The following EMILIN2 variants were observed in gnomAD, a reference collection of about 807,000 sequenced individuals.
EMILIN2 encodes elastin microfibril interfacer 2.
A neutral mutation model predicts 87.1 loss-of-function variants in EMILIN2; 71 were observed. The ratio of observed to expected loss-of-function variants is 0.82; its 90% CI spans 0.67 to 0.99. The LOEUF (loss-of-function observed/expected upper bound fraction) is 0.99, where lower values mean the gene tolerates loss of function less well. Among genes scored for constraint, EMILIN2 ranks in the 50% least tolerant of loss-of-function variants. The pLI, the probability that EMILIN2 is intolerant of heterozygous loss-of-function variation, is 0.00. For missense variants in EMILIN2, 1,407 were observed against 1,371.8 expected (o/e 1.03, Z -0.40); for synonymous variants, 581 against 563.4 (o/e 1.03, Z -0.44).
intron 2 of EMILIN2, among the ~76,000 whole-genome samples, chr18:2,883,334 C>T (rs551083301): frequency 6.6e-6 from 1 of 152,248 alleles, no homozygotes; most frequent in East Asian, 1.9e-4. Context: ...CTGGGTAACC[C>T]CGCTGCTGCT....
At chr18:2,868,207 C>T (rs1237101871) in intron 2 of EMILIN2, among the ~76,000 whole-genome samples, 9 of 151,814 alleles carry the variant, frequency 5.9e-5, no homozygotes, top group South Asian at 2.1e-4. Context: ...GATGGGGCGG[C>T]GGGGCAGAGG....
chr18:2,876,276 C>T (rs763301412), intron 2 of EMILIN2, among the ~76,000 whole-genome samples: 4 of 151,648 alleles, frequency 2.6e-5, no homozygotes, highest in South Asian at 2.1e-4. Context: ...CCAACGCGCC[C>T]GGCCAGGGTT....
chr18:2,908,874 A>G, intron 5 of EMILIN2, 69 bp from the exon 6 acceptor site: 5 of 1,581,060 alleles, frequency 3.2e-6, no homozygotes, highest in Non-Finnish European at 3.5e-6. Context: ...CAGAGGAAAA[A>G]GGGGGCTCAG....
intron 2 of EMILIN2, among the ~76,000 whole-genome samples, chr18:2,875,888 G>A (rs2076744811): frequency 6.6e-6 from 1 of 152,014 alleles, no homozygotes; most frequent in Admixed American, 6.6e-5. Context: ...CTGTCTTTTG[G>A]GATATGAGGG....
In EMILIN2 at chr18:2,847,709, C is replaced by A. The variant is rs1041225409; in HGVS notation, c.135-100C>A. 7 of 1,491,854 alleles carry A rather than the reference C, an allele frequency of 4.7e-6. No homozygotes were observed. Among genetic ancestry groups the A allele is most frequent in the Middle Eastern group, 2.3e-4 (1 of 4,262 alleles). 92.4% of individuals were successfully genotyped at this position (1,491,854 alleles called of 1,614,324 possible). A position where few individuals can be genotyped will look rare whatever the true frequency, so the allele number is the denominator to read the frequency against. The stretch of plus-strand genomic sequence containing the variant: ...CCTCCGCAGAGGGCGACGGGCCCCC[C>A]CGACCCTCGCTCGGTCTGGTGCCGC... On this transcript the variant is annotated intron_variant, in intron 1 of 7. Transcript: ENST00000254528. This position sits in a 1 kb window ranked among gnomAD's most constrained non-coding sequence, Gnocchi z 4.5.
rs148670215 is a variant in EMILIN2, at chr18:2,887,000, C to G, written c.433+1861C>G. ...CCCTGTTTCCTGTGTCCCCTGCTCC[C>G]TCTTTCTTGGCTTAGCCCCTTGCTT... On this transcript the variant is annotated intron_variant, in intron 3 of 7. Transcript: ENST00000254528. Among the ~76,000 whole-genome samples the G allele has an allele frequency of 3.3e-5, 5 of 152,314 alleles. No individual in the cohort carries two copies. The East Asian group carries it at 7.7e-4, about 24-fold the overall frequency.
At chr18:2,896,278 C>G (rs568859666) in intron 4 of EMILIN2, among the ~76,000 whole-genome samples, 2 of 152,008 alleles carry the variant, frequency 1.3e-5, no homozygotes, top group Non-Finnish European at 2.9e-5. Flanking sequence ...CGGGTTCAAG[C>G]GATTCTCCTG....
chr18:2,860,241 C>CT (rs1268442028), intron 2 of EMILIN2, among the ~76,000 whole-genome samples: 15 of 151,656 alleles, frequency 9.9e-5, no homozygotes, highest in South Asian at 2.1e-4. Flanking sequence ...TCTATGATTC[C>CT]TTTTTTTTAA....
chr18:2,847,780 C>G lies in EMILIN2; in HGVS notation c.135-29C>G, dbSNP rs1378511205. On this transcript the variant is annotated intron_variant, in intron 1 of 7. Transcript: ENST00000254528. This position sits in a 1 kb window ranked among gnomAD's most constrained non-coding sequence, Gnocchi z 4.5. ...CATTGTTCTCCGGGTTTACCCCGTGCCCCTCTCCCTCTCTCTCCTGCACCC... is the reference window on the plus strand; with the variant it reads ...CATTGTTCTCCGGGTTTACCCCGTGGCCCTCTCCCTCTCTCTCCTGCACCC... The G allele has an allele frequency of 5.6e-6, 9 of 1,609,622 alleles. No individual in the cohort carries two copies. The highest frequency in any genetic ancestry group is 6.8e-6 in the Non-Finnish European group (8 of 1,179,152).
In EMILIN2 at chr18:2,890,914, A is replaced by G. The variant is rs970785581; in HGVS notation, c.787A>G (p.Lys263Glu). Residue 263 changes from lysine (K) to glutamate (E), a missense_variant, in exon 4 of 8, where the codon AAG becomes GAG. Physicochemically the swap from Lys to Glu is moderately conservative, Grantham distance 56. Transcript: ENST00000254528. This position sits in a 1 kb window ranked among gnomAD's most constrained non-coding sequence, Gnocchi z 4.7. ...TAAGGAATCTGGCATGAAGGACATC[A>G]AGTCTGAATTGGCTGAAGTCAAAGA... Reference protein sequence around the residue: ...NTKESGMKDIKSELAEVKDTL... With the variant: ...NTKESGMKDIESELAEVKDTL... 6.2e-6 allele frequency: 10 copies of G among 1,613,954 alleles called. No individual in the cohort carries two copies. The African/African-American group carries it at 1.2e-4, about 19-fold the overall frequency.
chr18:2,878,942 G>A (rs933884212), intron 2 of EMILIN2, among the ~76,000 whole-genome samples: 1 of 152,160 alleles, frequency 6.6e-6, no homozygotes, highest in Non-Finnish European at 1.5e-5. Context: ...AACGGGTTTT[G>A]GTTCTGTGCA....
chr18:2,872,915 A>G (rs1342468938), intron 2 of EMILIN2, among the ~76,000 whole-genome samples: 1 of 152,184 alleles, frequency 6.6e-6, no homozygotes, highest in Non-Finnish European at 1.5e-5. Flanking sequence ...GATTGAGGCA[A>G]AGTGAAGTCT....
At chr18:2,858,567 A>ATATATATATATATATATATT (rs2076642288) in intron 2 of EMILIN2, among the ~76,000 whole-genome samples, 1 of 58,814 alleles carries the variant, frequency 1.7e-5, no homozygotes. Context: ...ATATATATAT[A>ATATATATATATATATATATT]TATGTGTGTG....
intron 2 of EMILIN2, among the ~76,000 whole-genome samples, chr18:2,867,321 GTAGT>G (rs2076691324): frequency 6.6e-6 from 1 of 151,752 alleles, no homozygotes; most frequent in East Asian, 2.0e-4. Context: ...TAAGACAATA[GTAGT>G]TATTTATTTT....
In EMILIN2 at chr18:2,915,302, A is replaced by G. The variant is rs1649044603; in HGVS notation, c.*1898A>G. The stretch of plus-strand genomic sequence containing the variant: ...ATGGCTGGAGCGTGCCTCTACTTTG[A>G]GATAAAGCTGGATGACAGGTGGATC... On this transcript the variant is annotated 3_prime_UTR_variant, in exon 8 of 8. Coordinates refer to ENST00000254528, the MANE Select transcript of EMILIN2 (RefSeq NM_032048.3). 1 of 152,234 alleles carries G rather than the reference A, an allele frequency of 6.6e-6. No individual in the cohort carries two copies. Among genetic ancestry groups the G allele is most frequent in the African/African-American group, 2.4e-5 (1 of 41,460 alleles). 9.4% of individuals were successfully genotyped at this position (152,234 alleles called of 1,614,324 possible). A position where few individuals can be genotyped will look rare whatever the true frequency, so the allele number is the denominator to read the frequency against.
intron 4 of EMILIN2, among the ~76,000 whole-genome samples, chr18:2,895,530 G>A (rs2076859441): frequency 6.6e-6 from 1 of 152,196 alleles, no homozygotes; most frequent in Non-Finnish European, 1.5e-5. Flanking sequence ...CGGTTCTTCT[G>A]CTCTATGTGG....
rs377381228 is a variant in EMILIN2, at chr18:2,891,233, T to G, written c.1106T>G (p.Ile369Arg). 6.2e-7 allele frequency: 1 copy of G among 1,613,942 alleles called. No individual in the cohort carries two copies. Among genetic ancestry groups the G allele is most frequent in the African/African-American group, 1.3e-5 (1 of 74,862 alleles). ...GSSYLGVIELIGEKETSLRKE... is the reference protein window; with the variant it reads ...GSSYLGVIELRGEKETSLRKE... ...AGCTACCTGGGAGTGATAGAGCTCA[T>G]AGGGGAGAAGGAAACAAGCCTGAGA... is the stretch of plus-strand genomic sequence containing the variant. Residue 369 changes from isoleucine to arginine, a missense_variant, in exon 4 of 8, where the codon ATA becomes AGA. Physicochemically the swap from Ile to Arg is moderately conservative, Grantham distance 97. Coordinates refer to ENST00000254528, the MANE Select transcript of EMILIN2 (RefSeq NM_032048.3). This position sits in a 1 kb window ranked among gnomAD's most constrained non-coding sequence, Gnocchi z 4.6.
chr18:2,894,039 T>C lies in EMILIN2; in HGVS notation c.2359+1553T>C, dbSNP rs890356339. ...CTCCCATCCTTGCCTTTGGGACTTT[T>C]ACCTCCCTGACCTGGTTCCGCTCTG... is the stretch of plus-strand genomic sequence containing the variant. On this transcript the variant is annotated intron_variant, in intron 4 of 7. Coordinates refer to ENST00000254528, the MANE Select transcript of EMILIN2 (RefSeq NM_032048.3). This position sits in a 1 kb window ranked among gnomAD's most constrained non-coding sequence, Gnocchi z 5.0. Among the ~76,000 whole-genome samples, 6 of 152,170 alleles carry C rather than the reference T, an allele frequency of 3.9e-5. No homozygotes were observed. Among genetic ancestry groups the C allele is most frequent in the Admixed American group, 3.9e-4 (6 of 15,276 alleles).
At chr18:2,897,659 C>T (rs987418821) in intron 4 of EMILIN2, among the ~76,000 whole-genome samples, 34 of 151,908 alleles carry the variant, frequency 2.2e-4, no homozygotes, top group Admixed American at 2.1e-3. Context: ...TGAGCACAGG[C>T]GTTCAAGACC....
Sources: gnomAD v4.1 joint callset for allele counts (sites outside exome capture counted in the v4.1 genomes callset) on GRCh38, gnomAD v4.1.1 for gene constraint, Gnocchi (gnomAD v3.1) non-coding constraint, MANE v1.5 for transcripts, NCBI Gene and HGNC (gene_info 2026-07-23, HGNC 2026-07-21) for gene names.